The following RALGAPA2 variants were observed in gnomAD, a reference collection of about 807,000 sequenced individuals.
RALGAPA2 encodes the protein ral GTPase-activating protein subunit alpha-2.
In RALGAPA2, 139 loss-of-function variants were observed where a neutral mutation model predicts 230.4. The observed-to-expected ratio is 0.60, with a 90% confidence interval of 0.53 to 0.69. The LOEUF is 0.69. RALGAPA2 is among the 30% of genes least tolerant of loss of function. The probability of loss-of-function intolerance (pLI) is 0.00; values close to 1 mark genes in which losing one functional copy is unlikely to be tolerated. For synonymous variants in RALGAPA2, 847 were observed against 837.8 expected, an observed-to-expected ratio of 1.01 and a Z score of -0.19; for missense variants, 2,163 against 2,276.0, an observed-to-expected ratio of 0.95 and a Z score of 1.01.
At chr20:20,662,735 T>C (rs2067824712) in intron 3 of RALGAPA2, among the ~76,000 whole-genome samples, 1 of 152,158 alleles carries the variant, frequency 6.6e-6, no homozygotes, top group Non-Finnish European at 1.5e-5. Flanking sequence ...AAAGACACCA[T>C]TCCTGCTCTA....
intron 12 of RALGAPA2, among the ~76,000 whole-genome samples, chr20:20,619,050 T>TA (rs1212774018): frequency 6.6e-6 from 1 of 152,232 alleles, no homozygotes; most frequent in African/African-American, 2.4e-5. Context: ...AACCAGTTTT[T>TA]ATGTCTTCTT....
At chr20:20,461,960 A>G (rs2061312274) in intron 37 of RALGAPA2, among the ~76,000 whole-genome samples, 1 of 150,232 alleles carries the variant, frequency 6.7e-6, no homozygotes, top group Non-Finnish European at 1.5e-5. Context: ...CAGCCCCTTC[A>G]TTGGTGTTGG....
At chr20:20,434,096 G>GA (rs915841517) in intron 37 of RALGAPA2, among the ~76,000 whole-genome samples, 83 of 152,220 alleles carry the variant, frequency 5.5e-4, no homozygotes, top group Middle Eastern at 3.4e-3. Flanking sequence ...AAAAGCCCCT[G>GA]AAAAATCAAA....
intron 23 of RALGAPA2, among the ~76,000 whole-genome samples, chr20:20,559,634 T>G (rs1293229173): frequency 6.6e-6 from 1 of 152,146 alleles, no homozygotes; most frequent in Non-Finnish European, 1.5e-5. Flanking sequence ...TTAATGTACA[T>G]ATAACAAAAC....
intron 19 of RALGAPA2, among the ~76,000 whole-genome samples, chr20:20,583,790 C>G (rs573181043): frequency 6.6e-6 from 1 of 152,274 alleles, no homozygotes; most frequent in Non-Finnish European, 1.5e-5. Context: ...TATAATAAGG[C>G]TAGGCCACAA....
chr20:20,675,122 C>T (rs901035137), intron 3 of RALGAPA2, among the ~76,000 whole-genome samples: 1 of 152,154 alleles, frequency 6.6e-6, no homozygotes, highest in South Asian at 2.1e-4. Context: ...AAAAACAACT[C>T]ATTTCACAGG....
intron 10 of RALGAPA2, among the ~76,000 whole-genome samples, chr20:20,625,347 G>A (rs1466626171): frequency 8.5e-5 from 13 of 152,156 alleles, no homozygotes; most frequent in Non-Finnish European, 1.8e-4. Context: ...AACATTAATG[G>A]TGGTGTTTCG....
intron 3 of RALGAPA2, among the ~76,000 whole-genome samples, chr20:20,673,250 G>C (rs371643483): frequency 1.3e-5 from 2 of 149,520 alleles, no homozygotes; most frequent in South Asian, 4.4e-4. Flanking sequence ...AAAGAAGCCA[G>C]AAAGAAAAGA....
In RALGAPA2 at chr20:20,437,168, A is replaced by T. The variant is rs10460650; in HGVS notation, c.5496-25020T>A. On this transcript the variant is annotated intron_variant, in intron 37 of 39. Coordinates refer to ENST00000202677, the MANE Select transcript of RALGAPA2 (RefSeq NM_020343.4). This position sits in a 1 kb window ranked among gnomAD's most constrained non-coding sequence, Gnocchi z 4.1. ...TGTTGGCATTATTAATTCAAACAGA[A>T]GTTCACCTCCTGTAAATGGGGAAAT... Among the ~76,000 whole-genome samples the T allele has an allele frequency of 0.016, 2,439 of 152,310 alleles. 86 individuals are homozygous for T. The highest frequency in any genetic ancestry group is 0.14 in the East Asian group (749 of 5,172).
chr20:20,617,046 A>G (rs904348421), intron 12 of RALGAPA2, among the ~76,000 whole-genome samples: 1 of 152,172 alleles, frequency 6.6e-6, no homozygotes, highest in Non-Finnish European at 1.5e-5. Flanking sequence ...CACAGTTGAC[A>G]CCAGTGTCCC....
chr20:20,679,639 A>G (rs532329531), intron 2 of RALGAPA2, among the ~76,000 whole-genome samples: 28 of 152,064 alleles, frequency 1.8e-4, no homozygotes, highest in Non-Finnish European at 3.5e-4. Context: ...TTTCCCATAC[A>G]TGTCGTAAGA....
chr20:20,402,589 G>A (rs550728237), intron 38 of RALGAPA2, among the ~76,000 whole-genome samples: 94 of 152,344 alleles, frequency 6.2e-4, no homozygotes, highest in African/African-American at 1.6e-3. Context: ...AGGGGGCACC[G>A]CTGAGGGCCC....
chr20:20,641,666 TA>T lies in RALGAPA2; in HGVS notation c.373-789del, dbSNP rs1415573887. Among the ~76,000 whole-genome samples, 620 of 129,334 alleles carry T rather than the reference TA, an allele frequency of 4.8e-3. 1 individual carries two copies. The highest frequency in any genetic ancestry group is 7.3e-3 in the Admixed American group (95 of 13,084). The allele number at this position is 129,334 out of a possible 152,430, so 84.8% of individuals were successfully genotyped here. ...TAAATAACTGAAAAGATTATGTCAA[TA>T]AAAAAAAAAAAGCAAAAGAGGTTGA... On this transcript the variant is annotated intron_variant, in intron 5 of 39. Transcript: ENST00000202677.
chr20:20,472,648 T>G lies in RALGAPA2; in HGVS notation c.5495+181A>C, dbSNP rs2061565202. 5 of 494,276 alleles carry G rather than the reference T, an allele frequency of 1.0e-5. No individual in the cohort carries two copies. The South Asian group carries it at 2.6e-4, about 26-fold the overall frequency. The allele number at this position is 494,276 out of a possible 1,614,324, so 30.6% of individuals were successfully genotyped here. Reference sequence around the variant, plus strand: ...CTCTAAGTTTAATGCAGCATAAAATTATTATATTTAATATAAATTAACAAA... The same window carrying G: ...CTCTAAGTTTAATGCAGCATAAAATGATTATATTTAATATAAATTAACAAA... On this transcript the variant is annotated intron_variant, in intron 37 of 39. Transcript: ENST00000202677.
intron 13 of RALGAPA2, among the ~76,000 whole-genome samples, chr20:20,614,365 CT>C (rs1284605468): frequency 2.6e-5 from 4 of 152,040 alleles, no homozygotes; most frequent in Non-Finnish European, 5.9e-5. Flanking sequence ...CAAAAAACTA[CT>C]GATACAGTAG....
rs78528272 is a variant in RALGAPA2 at position 20,614,509 on chromosome 20, G to A, written c.1688+1534C>T. 1.1e-4 allele frequency among the ~76,000 whole-genome samples: 17 copies of A among 152,266 alleles called. No individual in the cohort carries two copies. In the East Asian group the frequency reaches 2.9e-3, roughly 26 times the overall value. On this transcript the variant is annotated intron_variant, in intron 13 of 39. Transcript: ENST00000202677. The stretch of plus-strand genomic sequence containing the variant: ...TCTCATTACTGTCAATATTACTGAC[G>A]TGGAATTTGTTTACATCATATTGTG...
intron 35 of RALGAPA2, among the ~76,000 whole-genome samples, chr20:20,496,407 T>C (rs2062205843): frequency 6.6e-6 from 1 of 152,092 alleles, no homozygotes; most frequent in South Asian, 2.1e-4. Context: ...AGAAACTAGA[T>C]TATGAAGATT....
At position 20,389,903 on chromosome 20, in the gene RALGAPA2, AT is replaced by A. The variant is rs1186856571; in HGVS notation, c.*3385del. The A allele has an allele frequency of 6.6e-6, 1 of 152,074 alleles. No homozygotes were observed. Among genetic ancestry groups the A allele is most frequent in the Non-Finnish European group, 1.5e-5 (1 of 68,008 alleles). 9.4% of individuals were successfully genotyped at this position (152,074 alleles called of 1,614,324 possible). The stretch of plus-strand genomic sequence containing the variant: ...TAACTTAATTTACCATATTTATCAA[AT>A]TTTTTCCTTATTTACATGTACTAAA... On this transcript the variant is annotated 3_prime_UTR_variant, in exon 40 of 40. Transcript: ENST00000202677.
intron 4 of RALGAPA2, among the ~76,000 whole-genome samples, chr20:20,649,504 T>A (rs1038937353): frequency 1.3e-5 from 2 of 152,150 alleles, no homozygotes; most frequent in African/African-American, 4.8e-5. Context: ...AAAACCTAGG[T>A]GAACAAACTA....
Sources: gnomAD v4.1 joint callset for allele counts (sites outside exome capture counted in the v4.1 genomes callset) on GRCh38, gnomAD v4.1.1 for gene constraint, Gnocchi (gnomAD v3.1) non-coding constraint, MANE v1.5 for transcripts, NCBI Gene and HGNC (gene_info 2026-07-23, HGNC 2026-07-21) for gene names.